The following ATP10B variants were observed in gnomAD, a reference collection of about 807,000 sequenced individuals.
ATP10B encodes phospholipid-transporting ATPase VB.
A neutral mutation model predicts 141.2 loss-of-function variants in ATP10B; 122 were observed. The ratio of observed to expected loss-of-function variants is 0.86; its 90% confidence interval spans 0.75 to 1.00. The LOEUF (loss-of-function observed/expected upper bound fraction) is 1.00. ATP10B is among the 50% of genes least tolerant of loss of function. ATP10B has a pLI of 0.00. For missense variants in ATP10B, 1,876 were observed against 1,825.3 expected, an observed-to-expected ratio of 1.03 and a Z score of -0.51; for synonymous variants, 685 against 692.0, an observed-to-expected ratio of 0.99 and a Z score of 0.16.
In ATP10B at chr5:160,634,059, T is replaced by A. The variant is rs1338916305; in HGVS notation, c.1381+295A>T. On this transcript the variant is annotated intron_variant, in intron 12 of 25. Coordinates refer to ENST00000327245, the MANE Select transcript of ATP10B (RefSeq NM_025153.3). ...TTGGGAAATGTCTCCAATCCATTGCTGACAGATAAAAAACTCGTCTCATAA... is the reference window on the plus strand; with the variant it reads ...TTGGGAAATGTCTCCAATCCATTGCAGACAGATAAAAAACTCGTCTCATAA... 6.4e-6 allele frequency: 3 copies of A among 470,078 alleles called. No homozygotes were observed. In the East Asian group the frequency reaches 1.3e-4, roughly 20 times the overall value. The allele number at this position is 470,078 out of a possible 1,614,324, so 29.1% of individuals were successfully genotyped here. A position where few individuals can be genotyped will look rare whatever the true frequency, so the allele number is the denominator to read the frequency against.
chr5:160,761,870 T>C (rs4472294), intron 2 of ATP10B, among the ~76,000 whole-genome samples: 47,843 of 151,748 alleles, frequency 0.32, 7,890 homozygotes, highest in Non-Finnish European at 0.36. Flanking sequence ...TCCAGAGAAA[T>C]AGATATCACA....
At chr5:160,876,243 A>C in the ATP10B span, among the ~76,000 whole-genome samples, 4 of 41,038 alleles carry the variant, frequency 9.7e-5, 1 homozygote, top group African/African-American at 2.2e-4. Flanking sequence ...ACTCAAAACC[A>C]CTCAACTACA....
rs544996107 is a variant in ATP10B, at chr5:160,620,802, T to G, written c.1961A>C (p.Asn654Thr). ...CTCATCCGAGTCTGTGGTGGCCACG[T>G]TGGCCCCTAAGCTCTCCCCGAGGTC... ...DTDLGESLGANVATTDSDERD... is the reference protein window; with the variant it reads ...DTDLGESLGATVATTDSDERD... Residue 654 changes from asparagine (N) to threonine (T), a missense_variant, in exon 15 of 26, where the codon AAC becomes ACC. Transcript: ENST00000327245. 1.2e-6 allele frequency: 2 copies of G among 1,614,046 alleles called. No individual in the cohort carries two copies. The highest frequency in any genetic ancestry group is 2.7e-5 in the African/African-American group (2 of 74,924).
chr5:160,818,238 G>A (rs1773826117), intron 1 of ATP10B, among the ~76,000 whole-genome samples: 1 of 152,130 alleles, frequency 6.6e-6, no homozygotes, highest in Non-Finnish European at 1.5e-5. Flanking sequence ...GAAAATTTTT[G>A]CAATCTACTC....
intron 13 of ATP10B, among the ~76,000 whole-genome samples, chr5:160,631,905 T>C (rs976540494): frequency 5.3e-5 from 8 of 152,196 alleles, no homozygotes; most frequent in African/African-American, 1.9e-4. Flanking sequence ...AGCAAAAAAG[T>C]CTATATGCTT....
At chr5:160,750,533 A>G (rs1389650275) in intron 2 of ATP10B, among the ~76,000 whole-genome samples, 1 of 152,040 alleles carries the variant, frequency 6.6e-6, no homozygotes, top group Non-Finnish European at 1.5e-5. Context: ...CTTAATCCCC[A>G]CTGCTGCCAT....
the ATP10B span, among the ~76,000 whole-genome samples, chr5:160,912,812 T>A: frequency 6.6e-6 from 1 of 152,242 alleles, no homozygotes; most frequent in South Asian, 2.1e-4. Context: ...GCTGTCTATC[T>A]GGCATGCCAC....
At chr5:160,860,314 C>G in the ATP10B span, among the ~76,000 whole-genome samples, 1 of 151,730 alleles carries the variant, frequency 6.6e-6, no homozygotes, top group African/African-American at 2.4e-5. Context: ...TAAAAGATAT[C>G]TACTATACAG....
Position 160,838,350 on chromosome 5 carries a change from A to T in ATP10B, c.-576+13591T>A, listed in dbSNP as rs138124258. 6.2e-3 allele frequency among the ~76,000 whole-genome samples: 950 copies of T among 152,322 alleles called. 7 individuals carry two copies. Among genetic ancestry groups the T allele is most frequent in the Non-Finnish European group, 9.6e-3 (651 of 68,026 alleles). On this transcript the variant is annotated intron_variant, in intron 1 of 25. Coordinates refer to ENST00000327245, the MANE Select transcript of ATP10B (RefSeq NM_025153.3). ...ATGTAACTTTCAAATTGTGATGTGGAAAGAATCTAGAGAAAAACTTTCACA... is the reference window on the plus strand; with the variant it reads ...ATGTAACTTTCAAATTGTGATGTGGTAAGAATCTAGAGAAAAACTTTCACA...
chr5:160,798,935 C>A (rs193147196), intron 1 of ATP10B, among the ~76,000 whole-genome samples: 66 of 151,580 alleles, frequency 4.4e-4, no homozygotes, highest in African/African-American at 1.5e-3. Context: ...TACTTTTATT[C>A]GAGATGGGGT....
intron 6 of ATP10B, among the ~76,000 whole-genome samples, chr5:160,680,964 T>C (rs1426995407): frequency 6.6e-6 from 1 of 152,228 alleles, no homozygotes; most frequent in Non-Finnish European, 1.5e-5. Context: ...TGCAGCCATT[T>C]CGTTGCCATG....
At chr5:160,795,372 T>C (rs960467189) in intron 1 of ATP10B, among the ~76,000 whole-genome samples, 2 of 152,256 alleles carry the variant, frequency 1.3e-5, no homozygotes, top group East Asian at 1.9e-4. Context: ...TTGACTCAGA[T>C]TGGTGTCTAC....
chr5:160,780,358 T>C (rs1036705435), intron 2 of ATP10B, among the ~76,000 whole-genome samples: 4 of 120,898 alleles, frequency 3.3e-5, no homozygotes, highest in South Asian at 2.9e-4. Flanking sequence ...TCATAGAACA[T>C]AATTTATTCT....
At chr5:160,602,373 T>G (rs1757142249) in intron 21 of ATP10B, among the ~76,000 whole-genome samples, 1 of 152,196 alleles carries the variant, frequency 6.6e-6, no homozygotes, top group South Asian at 2.1e-4. Context: ...CATTGCCAAT[T>G]CTCACAATAA....
intron 1 of ATP10B, among the ~76,000 whole-genome samples, chr5:160,799,580 C>T (rs983725181): frequency 2.4e-4 from 37 of 152,168 alleles, no homozygotes; most frequent in African/African-American, 8.4e-4. Flanking sequence ...CATGTTTCTT[C>T]TAATTCTCAA....
At chr5:160,771,742 T>C (rs759742794) in intron 2 of ATP10B, among the ~76,000 whole-genome samples, 14 of 152,260 alleles carry the variant, frequency 9.2e-5, no homozygotes, top group Non-Finnish European at 1.8e-4. Context: ...CTTAGCTCTC[T>C]GTCCCATCTT....
intron 21 of ATP10B, 65 bp downstream of exon 21, chr5:160,602,510 GGA>G (rs1192110558): frequency 6.2e-7 from 1 of 1,605,894 alleles, no homozygotes; most frequent in African/African-American, 1.3e-5. Flanking sequence ...CCACTGCTAG[GGA>G]GAGATCTGGC....
chr5:160,677,479 T>C (rs1763101733), intron 6 of ATP10B, among the ~76,000 whole-genome samples: 1 of 152,218 alleles, frequency 6.6e-6, no homozygotes, highest in African/African-American at 2.4e-5. Context: ...GTCTGCATTT[T>C]TCAGAGTCCT....
intron 6 of ATP10B, among the ~76,000 whole-genome samples, chr5:160,680,276 T>C (rs541018739): frequency 4.6e-4 from 70 of 151,692 alleles, no homozygotes; most frequent in Non-Finnish European, 9.3e-4. Context: ...GCATGAGATG[T>C]AATTTCTTAT....
Sources: allele counts gnomAD v4.1 joint callset (sites outside exome capture counted in the v4.1 genomes callset), GRCh38; gene constraint gnomAD v4.1.1; transcripts MANE v1.5; gene names NCBI Gene and HGNC (gene_info 2026-07-23, HGNC 2026-07-21).